The following PIGU variants were observed in gnomAD, a reference collection of about 807,000 sequenced individuals.
The protein encoded by PIGU is GPI-anchor transamidase component PIGU.
PIGU carries 24 observed loss-of-function variants against 49.9 expected under a neutral mutation model. The ratio of observed to expected loss-of-function variants is 0.48; its 90% CI spans 0.35 to 0.68. The LOEUF (loss-of-function observed/expected upper bound fraction) is 0.68. Ranked by LOEUF, PIGU falls within the 30% of genes least tolerant of loss-of-function variation. The probability of loss-of-function intolerance (pLI) is 0.01; values close to 1 mark genes in which losing one functional copy is unlikely to be tolerated. For missense variants in PIGU, 490 were observed against 532.6 expected (o/e 0.92, Z 0.79); for synonymous variants, 220 against 205.7 (o/e 1.07, Z -0.59).
chr20:34,675,801 G>C (rs771991267), intron 1 of PIGU, among the ~76,000 whole-genome samples: 18 of 152,004 alleles, frequency 1.2e-4, no homozygotes, highest in Non-Finnish European at 2.5e-4. Context: ...CTTGAGTCCA[G>C]GAGTTCCAGA....
At chr20:34,605,099 C>T (rs913692846) in intron 7 of PIGU, among the ~76,000 whole-genome samples, 4 of 152,154 alleles carry the variant, frequency 2.6e-5, no homozygotes, top group African/African-American at 9.7e-5. Context: ...CCTCCTGCCC[C>T]TGAGCATGTT....
intron 6 of PIGU, among the ~76,000 whole-genome samples, chr20:34,618,284 C>T (rs897438881): frequency 1.3e-5 from 2 of 152,040 alleles, no homozygotes; most frequent in African/African-American, 4.8e-5. Flanking sequence ...ATAGCTATTC[C>T]CTTTCAGATG....
At chr20:34,612,614 CTTTTCTTTTTTTTTT>C (rs909122357) in intron 7 of PIGU, among the ~76,000 whole-genome samples, 1 of 150,286 alleles carries the variant, frequency 6.7e-6, no homozygotes, top group Non-Finnish European at 1.5e-5. Context: ...TTTTTCTTTC[CTTTTCTTTTTTTTTT>C]TTTTCTTTTT....
At chr20:34,586,790 A>G (rs1983713733) in intron 8 of PIGU, among the ~76,000 whole-genome samples, 1 of 152,158 alleles carries the variant, frequency 6.6e-6, no homozygotes, top group Admixed American at 6.5e-5. Context: ...TTATTTTCAA[A>G]CTGTCAGAGG....
At position 34,622,410 on chromosome 20, in the gene PIGU, G is replaced by A. The variant is rs567275625; in HGVS notation, c.530-6271C>T. Among the ~76,000 whole-genome samples, 8 of 152,084 alleles carry A rather than the reference G, an allele frequency of 5.3e-5. No individual in the cohort carries two copies. In the South Asian group the frequency reaches 1.0e-3, roughly 20 times the overall value. ...CGGGCGCATGTAGTCCCAGCTATTC[G>A]GGAGGCTGAGGCAGGAGAATCTCTT... On this transcript the variant is annotated intron_variant, in intron 6 of 11. Coordinates refer to ENST00000217446, the MANE Select transcript of PIGU (RefSeq NM_080476.5).
intron 1 of PIGU, among the ~76,000 whole-genome samples, chr20:34,674,435 G>C (rs541390466): frequency 2.2e-3 from 333 of 152,230 alleles, no homozygotes; most frequent in Non-Finnish European, 4.2e-3. Context: ...TCCAGACCCT[G>C]CACTCTTAAT....
At chr20:34,650,698 C>CTTTTT (rs1568658806) in intron 2 of PIGU, among the ~76,000 whole-genome samples, 6 of 43,964 alleles carry the variant, frequency 1.4e-4, no homozygotes, top group South Asian at 7.0e-4. Context: ...TTCTTTTTTT[C>CTTTTT]TCTTTTTTTT....
chr20:34,647,681 T>C (rs1209485261), intron 2 of PIGU, among the ~76,000 whole-genome samples: 2 of 152,190 alleles, frequency 1.3e-5, no homozygotes, highest in Non-Finnish European at 2.9e-5. Context: ...TTTATATTTT[T>C]ATAATTTCTT....
At chr20:34,660,823 T>G (rs948042244) in intron 1 of PIGU, among the ~76,000 whole-genome samples, 5 of 152,060 alleles carry the variant, frequency 3.3e-5, no homozygotes, top group Admixed American at 2.6e-4. Context: ...GAATCACAGG[T>G]TGGATATTGG....
intron 2 of PIGU, among the ~76,000 whole-genome samples, chr20:34,647,134 G>A (rs1441450389): frequency 6.7e-6 from 1 of 148,508 alleles, no homozygotes; most frequent in African/African-American, 2.5e-5. Flanking sequence ...ACCACGCTGG[G>A]CTAATTTTGT....
intron 1 of PIGU, among the ~76,000 whole-genome samples, chr20:34,663,996 G>A (rs1238614019): frequency 6.6e-6 from 1 of 152,204 alleles, no homozygotes; most frequent in Non-Finnish European, 1.5e-5. Context: ...TCTCAGATAT[G>A]CTTTTGCTAG....
At chr20:34,625,012 C>T (rs887537608) in intron 6 of PIGU, among the ~76,000 whole-genome samples, 24 of 152,294 alleles carry the variant, frequency 1.6e-4, no homozygotes, top group African/African-American at 5.8e-4. Context: ...CTGCCCCTAT[C>T]GTCTTATCAA....
chr20:34,665,779 T>A (rs1401349314), intron 1 of PIGU, among the ~76,000 whole-genome samples: 3 of 152,058 alleles, frequency 2.0e-5, no homozygotes, highest in African/African-American at 7.2e-5. Flanking sequence ...CATAGATGTT[T>A]CATCTATGTA....
Position 34,560,635 on chromosome 20 carries a change from T to G in PIGU, c.*231A>C, listed in dbSNP as rs1222521662. 1 of 446,220 alleles carries G rather than the reference T, an allele frequency of 2.2e-6. No homozygotes were observed. The highest frequency in any genetic ancestry group is 4.0e-6 in the Non-Finnish European group (1 of 253,106). 27.6% of individuals were successfully genotyped at this position (446,220 alleles called of 1,614,324 possible). On this transcript the variant is annotated 3_prime_UTR_variant, in exon 12 of 12. Transcript: ENST00000217446. The stretch of plus-strand genomic sequence containing the variant: ...TCCTTCCTGTCTGGGAGGGGGCTCC[T>G]TGGTGTGCAGAGCCACAAGGTGGGG...
intron 7 of PIGU, among the ~76,000 whole-genome samples, chr20:34,591,139 T>C (rs1983963008): frequency 6.6e-6 from 1 of 152,026 alleles, no homozygotes; most frequent in East Asian, 1.9e-4. Context: ...GGTTATACTA[T>C]TATCAGATAA....
chr20:34,611,692 A>G (rs1298845591), intron 7 of PIGU, among the ~76,000 whole-genome samples: 6 of 151,734 alleles, frequency 4.0e-5, no homozygotes. Flanking sequence ...CCAAACATCA[A>G]AAAGTGGGCA....
At chr20:34,562,717 C>T (rs1208476083) in intron 11 of PIGU, among the ~76,000 whole-genome samples, 1 of 152,354 alleles carries the variant, frequency 6.6e-6, no homozygotes, top group Admixed American at 6.5e-5. Flanking sequence ...CTGATGAGCA[C>T]GAGATTGGTC....
intron 9 of PIGU, among the ~76,000 whole-genome samples, chr20:34,583,654 C>G (rs936898720): frequency 1.3e-5 from 2 of 152,246 alleles, no homozygotes; most frequent in African/African-American, 2.4e-5. Flanking sequence ...CCTGGGATCC[C>G]TGCTCCTCTT....
chr20:34,571,320 G>A (rs1013369693), intron 11 of PIGU, among the ~76,000 whole-genome samples: 8 of 152,094 alleles, frequency 5.3e-5, no homozygotes, highest in Non-Finnish European at 7.3e-5. Flanking sequence ...CTTAGTCACT[G>A]GTTTACCTGC....
Sources: gnomAD v4.1 joint callset for allele counts (sites outside exome capture counted in the v4.1 genomes callset) on GRCh38, gnomAD v4.1.1 for gene constraint, MANE v1.5 for transcripts, NCBI Gene and HGNC (gene_info 2026-07-23, HGNC 2026-07-21) for gene names.